Variants in EXOC4 observed in about 807,000 individuals in gnomAD.
EXOC4 encodes the protein exocyst complex component 4, also known as SEC8-like 1.
In EXOC4, 71 loss-of-function variants were observed where a neutral mutation model predicts 107.2. That is an observed-to-expected ratio of 0.66 (90% CI 0.55 to 0.81). The LOEUF is 0.81. EXOC4 is among the 30% of genes least tolerant of loss of function. EXOC4 has a pLI of 0.00. For synonymous variants in EXOC4, 456 were observed against 441.2 expected (o/e 1.03, Z -0.42); for missense variants, 1,108 against 1,189.6 (o/e 0.93, Z 1.01).
chr7:133,404,078 A>C (rs1797154251), intron 7 of EXOC4, among the ~76,000 whole-genome samples: 1 of 151,918 alleles, frequency 6.6e-6, no homozygotes, highest in African/African-American at 2.4e-5. Flanking sequence ...CAGCTTTCTA[A>C]ATGACAAATC....
intron 11 of EXOC4, among the ~76,000 whole-genome samples, chr7:133,885,187 G>A (rs975967109): frequency 8.6e-5 from 13 of 151,840 alleles, no homozygotes; most frequent in Non-Finnish European, 1.8e-4. Flanking sequence ...GGTGGCACGC[G>A]CCTGTAGTCC....
chr7:133,664,818 G>A (rs1381291337), intron 10 of EXOC4, among the ~76,000 whole-genome samples: 1 of 151,932 alleles, frequency 6.6e-6, no homozygotes, highest in East Asian at 1.9e-4. Flanking sequence ...TGCAAGGTGG[G>A]GATTTTTCCC....
intron 11 of EXOC4, among the ~76,000 whole-genome samples, chr7:133,829,323 G>C (rs1351661328): frequency 1.3e-5 from 2 of 152,168 alleles, no homozygotes; most frequent in African/African-American, 4.8e-5. Flanking sequence ...TAGAGAAGGT[G>C]CATGTTCAAA....
At chr7:133,705,641 AT>A (rs566178878) in intron 10 of EXOC4, among the ~76,000 whole-genome samples, 287 of 152,320 alleles carry the variant, frequency 1.9e-3, no homozygotes, top group African/African-American at 6.6e-3. Context: ...CTCTGGGGCC[AT>A]TATTAAGTAA....
chr7:134,077,353 T>G, the EXOC4 span, among the ~76,000 whole-genome samples: 1 of 152,340 alleles, frequency 6.6e-6, no homozygotes, highest in South Asian at 2.1e-4. Flanking sequence ...TTACCCACAT[T>G]GGTGAGGACA....
At chr7:133,328,448 G>A (rs1244575979) in intron 5 of EXOC4, among the ~76,000 whole-genome samples, 4 of 152,128 alleles carry the variant, frequency 2.6e-5, no homozygotes, top group Non-Finnish European at 4.4e-5. Flanking sequence ...ATATTGTTAT[G>A]TGTGAATTTG....
intron 9 of EXOC4, among the ~76,000 whole-genome samples, chr7:133,582,581 T>C (rs1229061611): frequency 2.0e-5 from 3 of 151,680 alleles, no homozygotes; most frequent in African/African-American, 7.2e-5. Context: ...ACAATTGCTC[T>C]ATTTTTTTTT....
At chr7:133,450,601 CAT>C (rs1279887269) in intron 7 of EXOC4, among the ~76,000 whole-genome samples, 2 of 152,288 alleles carry the variant, frequency 1.3e-5, no homozygotes, top group Middle Eastern at 3.4e-3. Context: ...ATTATTTAAA[CAT>C]ATGTGCTAAT....
At chr7:133,374,073 C>T (rs1364355194) in intron 6 of EXOC4, among the ~76,000 whole-genome samples, 2 of 152,058 alleles carry the variant, frequency 1.3e-5, no homozygotes, top group Non-Finnish European at 2.9e-5. Context: ...TGCATCTATG[C>T]CATAAATCTT....
intron 2 of EXOC4, among the ~76,000 whole-genome samples, chr7:133,284,595 G>A (rs1259904222): frequency 2.0e-5 from 3 of 152,082 alleles, no homozygotes; most frequent in Non-Finnish European, 4.4e-5. Flanking sequence ...GCAGTGGCCC[G>A]ATCTCGGCTC....
chr7:133,787,964 TATATATATATATA>T (rs1796617837), intron 10 of EXOC4, among the ~76,000 whole-genome samples: 4 of 9,242 alleles, frequency 4.3e-4, no homozygotes, highest in African/African-American at 9.1e-4. Flanking sequence ...TTTATATATT[TATATATATATATA>T]TATATATATA....
intron 7 of EXOC4, among the ~76,000 whole-genome samples, chr7:133,474,780 G>A (rs759253189): frequency 7.2e-5 from 11 of 152,090 alleles, no homozygotes; most frequent in Non-Finnish European, 1.2e-4. Flanking sequence ...GTAATAGTGA[G>A]TGGTAACAGC....
chr7:133,330,501 T>A (rs947958545), intron 5 of EXOC4, among the ~76,000 whole-genome samples: 10 of 152,178 alleles, frequency 6.6e-5, no homozygotes, highest in African/African-American at 2.4e-4. Context: ...TAGCTCAGTG[T>A]CTGCCCAAAT....
At chr7:134,023,690 T>C (rs1204232585) in intron 17 of EXOC4, among the ~76,000 whole-genome samples, 1 of 152,190 alleles carries the variant, frequency 6.6e-6, no homozygotes, top group Non-Finnish European at 1.5e-5. Flanking sequence ...CTATACAGCT[T>C]ATGACAATGT....
At chr7:133,706,399 T>C (rs996072190) in intron 10 of EXOC4, among the ~76,000 whole-genome samples, 2 of 152,184 alleles carry the variant, frequency 1.3e-5, no homozygotes, top group Non-Finnish European at 2.9e-5. Context: ...GTACTTATAT[T>C]TACATTTATA....
intron 14 of EXOC4, among the ~76,000 whole-genome samples, chr7:133,963,881 C>T (rs1269276789): frequency 6.6e-6 from 1 of 152,124 alleles, no homozygotes; most frequent in African/African-American, 2.4e-5. Flanking sequence ...TAAATTAATG[C>T]AGAGGCTTCT....
At chr7:134,088,425 T>G in the EXOC4 span, among the ~76,000 whole-genome samples, 1 of 152,216 alleles carries the variant, frequency 6.6e-6, no homozygotes, top group Non-Finnish European at 1.5e-5. Context: ...TACCTAATTG[T>G]TAAAAGCTGT....
chr7:133,404,275 T>C (rs1276599930), intron 7 of EXOC4, among the ~76,000 whole-genome samples: 1 of 152,108 alleles, frequency 6.6e-6, no homozygotes, highest in Admixed American at 6.5e-5. Flanking sequence ...AATTTTTTTT[T>C]TGTATTTTTA....
chr7:133,758,158 G>A (rs1054235733), intron 10 of EXOC4, among the ~76,000 whole-genome samples: 5 of 151,994 alleles, frequency 3.3e-5, no homozygotes, highest in Non-Finnish European at 5.9e-5. Flanking sequence ...TTTTATTTTT[G>A]TTTTTGAGAT....
Sources: gnomAD v4.1 joint callset for allele counts (sites outside exome capture counted in the v4.1 genomes callset) on GRCh38, gnomAD v4.1.1 for gene constraint, MANE v1.5 for transcripts, NCBI Gene and HGNC (gene_info 2026-07-23, HGNC 2026-07-21) for gene names.